Variants in CCDC57 observed in about 807,000 individuals in gnomAD.
The protein encoded by CCDC57 is coiled-coil domain containing 57.
Under a neutral mutation model 118.9 loss-of-function variants are expected in CCDC57, and 118 were observed. That is an observed-to-expected ratio of 0.99 (90% CI 0.86 to 1.16). The LOEUF (loss-of-function observed/expected upper bound fraction) is 1.16, where lower values mean the gene tolerates loss of function less well. Among genes scored for constraint, CCDC57 ranks in the 50% most tolerant of loss-of-function variants. The probability of loss-of-function intolerance (pLI) is 0.00; values close to 1 mark genes in which losing one functional copy is unlikely to be tolerated. For missense variants in CCDC57, 1,300 were observed against 1,320.7 expected (o/e 0.98, Z 0.24); for synonymous variants, 527 against 532.9 (o/e 0.99, Z 0.15).
At chr17:82,109,166 AAG>A in intron 19 of CCDC57, among the ~76,000 whole-genome samples, 1 of 152,362 alleles carries the variant, frequency 6.6e-6, no homozygotes, top group East Asian at 1.9e-4. Flanking sequence ...AAGGAGGAGA[AAG>A]AGCTCAGAAG....
Position 82,186,637 on chromosome 17 carries a change from G to A in CCDC57, c.1052+1582C>T, listed in dbSNP as rs543860315. ...CTAAGAGCCATTTCCCCCTTAAACAGAAATACAATTTGTCAGAGAATTCTC... is the reference window on the plus strand; with the variant it reads ...CTAAGAGCCATTTCCCCCTTAAACAAAAATACAATTTGTCAGAGAATTCTC... On this transcript the variant is annotated intron_variant, in intron 8 of 19. Transcript: ENST00000665763. Among the ~76,000 whole-genome samples, 8 of 152,220 alleles carry A rather than the reference G, an allele frequency of 5.3e-5. No individual in the cohort carries two copies. In the South Asian group the frequency reaches 1.2e-3, roughly 24 times the overall value.
chr17:82,209,462 T>C (rs1163634027), intron 1 of CCDC57, among the ~76,000 whole-genome samples: 1 of 152,174 alleles, frequency 6.6e-6, no homozygotes, highest in Non-Finnish European at 1.5e-5. Flanking sequence ...GCGTAACTTG[T>C]AATAAACTCA....
At chr17:82,125,925 C>T (rs1267131430) in intron 19 of CCDC57, among the ~76,000 whole-genome samples, 3 of 151,998 alleles carry the variant, frequency 2.0e-5, no homozygotes, top group Non-Finnish European at 2.9e-5. Flanking sequence ...GGTGGGAGTC[C>T]GAATATGCGG....
intron 19 of CCDC57, chr17:82,107,487 CAG>C (rs1177643940): frequency 8.5e-6 from 4 of 470,622 alleles, no homozygotes; most frequent in Admixed American, 7.0e-5. Flanking sequence ...AGGTTAGCAT[CAG>C]GGGCCAAAGC....
intron 4 of CCDC57, among the ~76,000 whole-genome samples, chr17:82,196,255 T>C (rs1775104118): frequency 6.6e-6 from 1 of 152,226 alleles, no homozygotes; most frequent in Non-Finnish European, 1.5e-5. Flanking sequence ...CCTCACTACT[T>C]AGAAAAGTCA....
At position 82,210,993 on chromosome 17, in the gene CCDC57, T is replaced by TAAAAA. The variant is rs1207759837; in HGVS notation, c.-211+1787_-211+1791dup. Among the ~76,000 whole-genome samples the TAAAAA allele has an allele frequency of 5.8e-5, 4 of 68,838 alleles. No individual in the cohort carries two copies. The East Asian group carries it at 1.1e-3, about 20-fold the overall frequency. 45.2% of individuals were successfully genotyped at this position (68,838 alleles called of 152,430 possible). A position where few individuals can be genotyped will look rare whatever the true frequency, so the allele number is the denominator to read the frequency against. On this transcript the variant is annotated intron_variant, in intron 1 of 19. Coordinates refer to ENST00000665763, the Ensembl canonical transcript of CCDC57. ...TGGGCGGCAAAGAGAGACTCCGTCT[T>TAAAAA]AAAAAAAAAAAAAAAAGAAAAAAAA...
chr17:82,118,932 C>G lies in CCDC57; in HGVS notation c.2899+8760G>C, dbSNP rs7218075. Among the ~76,000 whole-genome samples the G allele has an allele frequency of 0.53, 79,268 of 150,848 alleles. 21,602 individuals carry two copies. The highest frequency in any genetic ancestry group is 0.57 in the Non-Finnish European group (38,686 of 67,752). On this transcript the variant is annotated intron_variant, in intron 19 of 19. Coordinates refer to ENST00000665763, the Ensembl canonical transcript of CCDC57. The surrounding 1 kb of genome is among the most constrained non-coding windows in gnomAD (Gnocchi z 4.7). Reference sequence around the variant, plus strand: ...GGTTTGCCTTGGAGTCCCTCCCTCGCCCTGGAATGCCTGGTAGTGTGTGGT... The same window carrying G: ...GGTTTGCCTTGGAGTCCCTCCCTCGGCCTGGAATGCCTGGTAGTGTGTGGT...
chr17:82,157,536 AC>A, intron 15 of CCDC57: 1 of 1,427,056 alleles, frequency 7.0e-7, no homozygotes, highest in African/African-American at 1.4e-5. Context: ...AAGGTGAAGG[AC>A]CAGGAGAAGA....
Position 82,178,620 on chromosome 17 carries a change from G to T in CCDC57, c.1375-15C>A. 2.5e-6 allele frequency: 4 copies of T among 1,609,590 alleles called. No individual in the cohort carries two copies. Among genetic ancestry groups the T allele is most frequent in the Non-Finnish European group, 3.4e-6 (4 of 1,179,576 alleles). Reference sequence around the variant, plus strand: ...TTGGCAGCAACCTGGGAAAAACGCTGGGACTCAGTCCCTGTGTGGATGACC... The same window carrying T: ...TTGGCAGCAACCTGGGAAAAACGCTTGGACTCAGTCCCTGTGTGGATGACC... On this transcript the variant is annotated splice_polypyrimidine_tract_variant and intron_variant, in intron 10 of 19. Coordinates refer to ENST00000665763, the Ensembl canonical transcript of CCDC57.
At chr17:82,136,490 C>T (rs989274032) in intron 16 of CCDC57, among the ~76,000 whole-genome samples, 1 of 151,280 alleles carries the variant, frequency 6.6e-6, no homozygotes, top group Non-Finnish European at 1.5e-5. Context: ...TGATGATGCT[C>T]GCACAACATT....
intron 19 of CCDC57, chr17:82,113,827 T>C: frequency 1.7e-6 from 1 of 603,988 alleles, no homozygotes; most frequent in Non-Finnish European, 3.0e-6. Context: ...GCACCTGTAG[T>C]CTCAGCTACT....
intron 19 of CCDC57, chr17:82,127,300 C>T: frequency 2.0e-6 from 2 of 985,366 alleles, no homozygotes; most frequent in Non-Finnish European, 2.4e-6. Context: ...GGCTCTTCCC[C>T]AGGAGCAGGG....
intron 19 of CCDC57, among the ~76,000 whole-genome samples, chr17:82,107,891 G>C (rs1220427830): frequency 6.6e-6 from 1 of 152,188 alleles, no homozygotes; most frequent in Non-Finnish European, 1.5e-5. Context: ...CTTTTCTAAA[G>C]AAAGGGGGTG....
At chr17:82,207,013 C>T (rs376632433) in intron 2 of CCDC57, among the ~76,000 whole-genome samples, 1 of 152,146 alleles carries the variant, frequency 6.6e-6, no homozygotes, top group African/African-American at 2.4e-5. Flanking sequence ...GACTAGACTG[C>T]CTTTGTAGGA....
chr17:82,115,746 C>T lies in CCDC57; in HGVS notation c.2899+11946G>A, dbSNP rs1721051502. On this transcript the variant is annotated intron_variant, in intron 19 of 19. Transcript: ENST00000665763. ...TCGCACCACTGCACTCCAGCCGGGG[C>T]GACAGAGGGAGACTCTGTCTCAAAA... Among the ~76,000 whole-genome samples, 5 of 147,662 alleles carry T rather than the reference C, an allele frequency of 3.4e-5. No individual in the cohort carries two copies. In the South Asian group the frequency reaches 1.1e-3, roughly 32 times the overall value.
intron 19 of CCDC57, among the ~76,000 whole-genome samples, chr17:82,122,732 G>A: frequency 6.6e-6 from 1 of 152,138 alleles, no homozygotes; most frequent in Non-Finnish European, 1.5e-5. Context: ...CCTATTAAAG[G>A]CCAGCCCTGC....
intron 7 of CCDC57, among the ~76,000 whole-genome samples, chr17:82,193,475 A>T (rs1291521611): frequency 6.6e-6 from 1 of 151,554 alleles, no homozygotes; most frequent in East Asian, 1.9e-4. Context: ...TGAACCCGGG[A>T]GGGGAGGATG....
intron 19 of CCDC57, among the ~76,000 whole-genome samples, chr17:82,117,399 G>C (rs2036059212): frequency 6.6e-6 from 1 of 150,988 alleles, no homozygotes; most frequent in Non-Finnish European, 1.5e-5. Flanking sequence ...CCAGCACTTT[G>C]GGAGGCCAAG....
At chr17:82,122,094 C>T (rs558764792) in intron 19 of CCDC57, among the ~76,000 whole-genome samples, 32 of 152,176 alleles carry the variant, frequency 2.1e-4, no homozygotes, top group Non-Finnish European at 4.0e-4. Flanking sequence ...CACTCTCTCC[C>T]GGATCTGCTT....
Sources: gnomAD v4.1 joint callset for allele counts (sites outside exome capture counted in the v4.1 genomes callset) on GRCh38, gnomAD v4.1.1 for gene constraint, Gnocchi (gnomAD v3.1) non-coding constraint, MANE v1.5 for transcripts, NCBI Gene and HGNC (gene_info 2026-07-23, HGNC 2026-07-21) for gene names.